CLIP1: variants seen among roughly 807,000 people sequenced by gnomAD.
CLIP1 encodes CAP-Gly domain containing linker protein 1.
In CLIP1, 66 loss-of-function variants were observed where a neutral mutation model predicts 161.6. That is an observed-to-expected ratio of 0.41 (90% confidence interval 0.33 to 0.50). The LOEUF (loss-of-function observed/expected upper bound fraction) is 0.50, where lower values mean the gene tolerates loss of function less well. CLIP1 is among the 20% of genes least tolerant of loss of function. CLIP1 has a pLI of 0.27. For synonymous variants in CLIP1, 598 were observed against 626.2 expected (o/e 0.96, Z 0.67); for missense variants, 1,376 against 1,702.0 (o/e 0.81, Z 3.37).
At chr12:122,377,099 T>C (rs1485165256) in intron 3 of CLIP1, among the ~76,000 whole-genome samples, 2 of 150,806 alleles carry the variant, frequency 1.3e-5, no homozygotes, top group Admixed American at 1.3e-4. Context: ...AACCTCCACC[T>C]CCCAGGTTCA....
Position 122,287,850 on chromosome 12 carries a change from A to G in CLIP1, c.3647+639T>C, listed in dbSNP as rs373935932. On this transcript the variant is annotated intron_variant, in intron 21 of 25. Transcript: ENST00000620786. ...AAATTTTCATATAATTGAAATCAGT[A>G]TTTATATCCAGATCAATAACTGTAT... 1.2e-4 allele frequency among the ~76,000 whole-genome samples: 19 copies of G among 152,318 alleles called. No individual in the cohort carries two copies. The East Asian group carries it at 2.9e-3, about 23-fold the overall frequency.
At chr12:122,339,825 G>A (rs1952411489) in intron 11 of CLIP1, among the ~76,000 whole-genome samples, 1 of 152,120 alleles carries the variant, frequency 6.6e-6, no homozygotes, top group African/African-American at 2.4e-5. Context: ...ACACACCTGG[G>A]CTACGTGGCA....
chr12:122,411,781 G>A (rs180741193), intron 1 of CLIP1, among the ~76,000 whole-genome samples: 1 of 152,220 alleles, frequency 6.6e-6, no homozygotes, highest in Non-Finnish European at 1.5e-5. Context: ...GCAGAAATAA[G>A]GAGTGACTGC....
At chr12:122,350,924 G>C (rs1182445713) in intron 9 of CLIP1, 187 bp downstream of exon 9, 15 of 443,032 alleles carry the variant, frequency 3.4e-5, no homozygotes, top group Non-Finnish European at 6.0e-5. Context: ...GTGGAGCTTA[G>C]TCATTACATA....
intron 9 of CLIP1, 58 bp from the exon 10 acceptor site, chr12:122,347,537 C>T (rs779189358): frequency 6.2e-5 from 83 of 1,328,630 alleles, no homozygotes; most frequent in Non-Finnish European, 7.9e-5. Context: ...CATGCCAGCA[C>T]GAGAGGAGAG....
chr12:122,411,556 T>G (rs1017504678), intron 1 of CLIP1, among the ~76,000 whole-genome samples: 6 of 152,130 alleles, frequency 3.9e-5, no homozygotes, highest in African/African-American at 1.4e-4. Flanking sequence ...AACAGAATAT[T>G]ACTCAACCAT....
chr12:122,335,604 C>T (rs1952180864), intron 12 of CLIP1, among the ~76,000 whole-genome samples: 1 of 152,036 alleles, frequency 6.6e-6, no homozygotes, highest in Non-Finnish European at 1.5e-5. Context: ...GTCAGTCGTT[C>T]AAGACCAGCC....
rs772296868 is a variant in CLIP1 at position 122,341,673 on chromosome 12, G to A, written c.1531C>T (p.Arg511Cys). ...AGGTCTTTCTCCAGTTCCATTATAC[G>A]TGACTTTTCTGAAACTGTAGCCACC... ...TRVATVSEKS[R>C]IMELEKDLAL... The change falls in exon 11 of 26, where the codon CGT becomes TGT. Residue 511 changes from arginine (R) to cysteine (C), a missense_variant. Arg to Cys is a radical substitution (Grantham distance 180). This residue lies in a region of CLIP1 where 948 missense variants were observed against 1,134.8 expected (regional missense o/e 0.84). Coordinates refer to ENST00000620786, the MANE Select transcript of CLIP1 (RefSeq NM_001247997.2). 2.5e-6 allele frequency: 4 copies of A among 1,574,288 alleles called. No homozygotes were observed. The highest frequency in any genetic ancestry group is 4.6e-5 in the East Asian group (2 of 43,728).
chr12:122,374,333 A>C (rs1424145771), intron 3 of CLIP1, among the ~76,000 whole-genome samples: 1 of 150,882 alleles, frequency 6.6e-6, no homozygotes, highest in Non-Finnish European at 1.5e-5. Flanking sequence ...AAAAAAAAAA[A>C]ATAGCGGCCG....
chr12:122,319,214 C>T lies in CLIP1; in HGVS notation c.3366+18G>A, dbSNP rs1951387672. On this transcript the variant is annotated intron_variant, in intron 18 of 25. Transcript: ENST00000620786. ...GGTAAGCTGTTCTTTGTATAAAAAG[C>T]TATTTAAATCTGATTACTTCATTCT... 5 of 1,494,094 alleles carry T rather than the reference C, an allele frequency of 3.3e-6. No individual in the cohort carries two copies. Among genetic ancestry groups the T allele is most frequent in the Non-Finnish European group, 4.7e-6 (5 of 1,071,134 alleles). The allele number at this position is 1,494,094 out of a possible 1,614,324, so 92.6% of individuals were successfully genotyped here.
chr12:122,334,529 C>G, intron 13 of CLIP1, 119 bp downstream of exon 13: 1 of 701,646 alleles, frequency 1.4e-6, no homozygotes, highest in Non-Finnish European at 2.4e-6. Flanking sequence ...ACGGCAGGAA[C>G]TTCCAGGAGA....
chr12:122,329,356 C>T (rs1951841106), intron 15 of CLIP1, among the ~76,000 whole-genome samples: 2 of 151,120 alleles, frequency 1.3e-5, no homozygotes, highest in Admixed American at 1.3e-4. Context: ...AGGCCAGGCA[C>T]GGTGGCTCAC....
intron 1 of CLIP1, among the ~76,000 whole-genome samples, chr12:122,414,294 T>A (rs553657987): frequency 2.0e-5 from 3 of 148,728 alleles, no homozygotes; most frequent in East Asian, 2.0e-4. Flanking sequence ...ACTACAGGCA[T>A]GTATCATCAT....
At chr12:122,381,407 G>GA (rs1955008531) in intron 1 of CLIP1, among the ~76,000 whole-genome samples, 1 of 151,944 alleles carries the variant, frequency 6.6e-6, no homozygotes, top group Non-Finnish European at 1.5e-5. Flanking sequence ...TTTCTATCTA[G>GA]AAAAAAACAA....
At chr12:122,287,650 A>C (rs557456392) in intron 21 of CLIP1, among the ~76,000 whole-genome samples, 58 of 152,294 alleles carry the variant, frequency 3.8e-4, no homozygotes, top group African/African-American at 1.3e-3. Flanking sequence ...AGAAGCATGA[A>C]GCTTCTACAC....
chr12:122,341,778 T>C lies in CLIP1; in HGVS notation c.1507-81A>G, dbSNP rs1414186461. 3.0e-4 allele frequency: 209 copies of C among 700,986 alleles called. 8 individuals are homozygous for C. The highest frequency in any genetic ancestry group is 1.0e-4 in the East Asian group (3 of 29,902). 43.4% of individuals were successfully genotyped at this position (700,986 alleles called of 1,614,324 possible). On this transcript the variant is annotated intron_variant, in intron 10 of 25. Coordinates refer to ENST00000620786, the MANE Select transcript of CLIP1 (RefSeq NM_001247997.2). ...TTTTCTTTTCTTTTTTTTTTTTTTT[T>C]TTTTTTTTTTTTTTTTTTTTTTGAG...
chr12:122,347,565 G>C (rs1167852532), intron 9 of CLIP1, 86 bp from the exon 10 acceptor site: 19 of 982,662 alleles, frequency 1.9e-5, no homozygotes, highest in Non-Finnish European at 3.1e-5. Flanking sequence ...CATGCAGGCT[G>C]AGCCACCAGT....
intron 1 of CLIP1, among the ~76,000 whole-genome samples, chr12:122,390,279 C>CATATATATATATACACACATATATATAT (rs1955578115): frequency 5.1e-5 from 4 of 79,016 alleles, no homozygotes; most frequent in Admixed American, 1.6e-4. Context: ...TATATATATA[C>CATATATATATATACACACATATATATAT]ATATATATAT....
At chr12:122,357,116 G>A (rs1953439636) in intron 5 of CLIP1, among the ~76,000 whole-genome samples, 1 of 152,012 alleles carries the variant, frequency 6.6e-6, no homozygotes, top group African/African-American at 2.4e-5. Flanking sequence ...AAAGTGAGGA[G>A]CGTCTCTGCC....
Sources: gnomAD v4.1 joint callset for allele counts (sites outside exome capture counted in the v4.1 genomes callset) on GRCh38, gnomAD v4.1.1 for gene constraint, gnomAD v4.1.1 regional missense constraint, MANE v1.5 for transcripts, NCBI Gene and HGNC (gene_info 2026-07-23, HGNC 2026-07-21) for gene names.